Variants in ABI2 observed in about 807,000 individuals in gnomAD.
The protein encoded by ABI2 is abelson interactor 2.
ABI2 carries 25 observed loss-of-function variants against 59.2 expected under a neutral mutation model. That is an observed-to-expected ratio of 0.42 (90% CI 0.31 to 0.59). The LOEUF (loss-of-function observed/expected upper bound fraction) is 0.59, where lower values mean the gene tolerates loss of function less well. Among genes scored for constraint, ABI2 ranks in the 20% least tolerant of loss-of-function variants. The pLI is 0.14. For missense variants in ABI2, 545 were observed against 681.8 expected (o/e 0.80, Z 2.23); for synonymous variants, 213 against 235.5 (o/e 0.90, Z 0.87).
At chr2:203,370,223 TCTC>T (rs2095016179) in intron 2 of ABI2, among the ~76,000 whole-genome samples, 1 of 148,590 alleles carries the variant, frequency 6.7e-6, no homozygotes, top group Non-Finnish European at 1.5e-5. Context: ...TCTCTCTCTC[TCTC>T]TTTCTGTGTG....
chr2:203,329,341 A>ATTTTTTTTTTTTTTTTTTTTTTT (rs11376266), intron 1 of ABI2: 1 of 100,700 alleles, frequency 9.9e-6, no homozygotes, highest in Non-Finnish European at 1.9e-5. Flanking sequence ...TCCTGGTTTA[A>ATTTTTTTTTTTTTTTTTTTTTTT]TTTTTTTTTT....
At chr2:203,377,760 G>A (rs951453412) in intron 2 of ABI2, among the ~76,000 whole-genome samples, 2 of 152,156 alleles carry the variant, frequency 1.3e-5, no homozygotes, top group Non-Finnish European at 2.9e-5. Context: ...AGAGAAATTA[G>A]GCCAGCATGG....
At chr2:203,395,448 T>TATATATATATACACACAC (rs750379504) in intron 6 of ABI2, among the ~76,000 whole-genome samples, 45 of 115,314 alleles carry the variant, frequency 3.9e-4, no homozygotes, top group Middle Eastern at 0.01. Context: ...TATATATATA[T>TATATATATATACACACAC]ACACACACAC....
rs1359888970 is a variant in ABI2 at position 203,328,927 on chromosome 2, T to A, written c.117+296T>A. ...CCCCCGCACTCCGCGCCGGTCAGCG[T>A]TCCGGATGGCGGAGGGGGCGGAGAG... On this transcript the variant is annotated intron_variant, in intron 1 of 11. Transcript: ENST00000261018. 3 of 251,874 alleles carry A rather than the reference T, an allele frequency of 1.2e-5. No individual in the cohort carries two copies. In the East Asian group the frequency reaches 2.3e-4, roughly 20 times the overall value. 15.6% of individuals were successfully genotyped at this position (251,874 alleles called of 1,614,324 possible).
chr2:203,336,999 C>T (rs2076760578), intron 1 of ABI2, among the ~76,000 whole-genome samples: 1 of 152,054 alleles, frequency 6.6e-6, no homozygotes, highest in African/African-American at 2.4e-5. Context: ...AGTGATGTCT[C>T]AAAGGCCATA....
chr2:203,409,690 G>C (rs2097576164), intron 9 of ABI2, among the ~76,000 whole-genome samples: 1 of 152,104 alleles, frequency 6.6e-6, no homozygotes, highest in Non-Finnish European at 1.5e-5. Flanking sequence ...AAACTGCTTT[G>C]ATTTATTACG....
intron 2 of ABI2, among the ~76,000 whole-genome samples, chr2:203,369,819 A>C (rs2094935380): frequency 6.6e-6 from 1 of 152,202 alleles, no homozygotes; most frequent in Non-Finnish European, 1.5e-5. Flanking sequence ...ATAAAGGATC[A>C]AGTCTGAGAA....
intron 1 of ABI2, among the ~76,000 whole-genome samples, chr2:203,332,441 A>G (rs983864306): frequency 5.3e-5 from 8 of 152,128 alleles, no homozygotes; most frequent in Non-Finnish European, 1.0e-4. Flanking sequence ...CCTGGCCAAC[A>G]TGGTGAAACC....
intron 1 of ABI2, among the ~76,000 whole-genome samples, chr2:203,329,564 T>A (rs2071446930): frequency 6.8e-6 from 1 of 146,248 alleles, no homozygotes; most frequent in African/African-American, 2.5e-5. Flanking sequence ...AATCTTTTGC[T>A]TTTTTTTTTA....
chr2:203,406,671 A>AC (rs1553601850), intron 9 of ABI2, among the ~76,000 whole-genome samples: 1 of 151,664 alleles, frequency 6.6e-6, no homozygotes, highest in Non-Finnish European at 1.5e-5. Flanking sequence ...GAGCAGGAAG[A>AC]TTTTTTTTTC....
chr2:203,401,093 C>G (rs188235189), intron 8 of ABI2, among the ~76,000 whole-genome samples: 279 of 152,202 alleles, frequency 1.8e-3, no homozygotes, highest in African/African-American at 6.6e-3. Context: ...TTCCTCCAGT[C>G]CCCCCTCCTC....
chr2:203,333,933 TTTTTTCTTTC>T (rs2075204771), intron 1 of ABI2, among the ~76,000 whole-genome samples: 2 of 151,596 alleles, frequency 1.3e-5, no homozygotes, highest in African/African-American at 4.8e-5. Flanking sequence ...TTTTCTTTTC[TTTTTTCTTTC>T]TTTTTTTTTT....
chr2:203,398,571 C>T (rs566629038), intron 8 of ABI2, among the ~76,000 whole-genome samples: 1 of 152,214 alleles, frequency 6.6e-6, no homozygotes, highest in African/African-American at 2.4e-5. Context: ...AACTTATGTA[C>T]AGTAAAATTC....
chr2:203,342,074 T>C, intron 1 of ABI2: 1 of 361,428 alleles, frequency 2.8e-6, no homozygotes, highest in Non-Finnish European at 5.4e-6. Flanking sequence ...TGTTCATTTT[T>C]TTTTTGCCTG....
intron 1 of ABI2, 145 bp from the exon 2 acceptor site, chr2:203,366,732 A>G (rs1409222360): frequency 7.1e-6 from 5 of 702,616 alleles, no homozygotes; most frequent in Admixed American, 3.4e-5. Context: ...TTTATGTGAT[A>G]CCAGTAGTTT....
intron 4 of ABI2, among the ~76,000 whole-genome samples, chr2:203,387,074 T>C (rs930118141): frequency 7.6e-6 from 1 of 130,860 alleles, no homozygotes; most frequent in Non-Finnish European, 1.7e-5. Context: ...TTTTTTTTTT[T>C]TTCCCCACAT....
At chr2:203,404,445 TA>T (rs2097346325) in intron 9 of ABI2, among the ~76,000 whole-genome samples, 1 of 152,244 alleles carries the variant, frequency 6.6e-6, no homozygotes, top group East Asian at 1.9e-4. Flanking sequence ...ATTCTGAACT[TA>T]AATTTTGACA....
intron 10 of ABI2, among the ~76,000 whole-genome samples, chr2:203,415,433 C>T (rs752120408): frequency 6.5e-4 from 98 of 151,922 alleles, no homozygotes; most frequent in Non-Finnish European, 8.8e-4. Flanking sequence ...CTGGCTAACA[C>T]GGTGAAACCC....
At chr2:203,359,607 C>G (rs1162498497) in intron 1 of ABI2, among the ~76,000 whole-genome samples, 1 of 152,130 alleles carries the variant, frequency 6.6e-6, no homozygotes. Context: ...GCTTGCAGTT[C>G]TAGAGGCTGG....
Sources: gnomAD v4.1 joint callset for allele counts (sites outside exome capture counted in the v4.1 genomes callset) on GRCh38, gnomAD v4.1.1 for gene constraint, MANE v1.5 for transcripts, NCBI Gene and HGNC (gene_info 2026-07-23, HGNC 2026-07-21) for gene names.